Variants in CCDC57 observed in about 807,000 individuals in gnomAD.
CCDC57 encodes coiled-coil domain-containing protein 57.
Under a neutral mutation model 118.9 loss-of-function variants are expected in CCDC57, and 118 were observed. That is an observed-to-expected ratio of 0.99 (90% CI 0.86 to 1.16). The LOEUF (loss-of-function observed/expected upper bound fraction) is 1.16, where lower values mean the gene tolerates loss of function less well. Ranked by LOEUF, CCDC57 falls within the 50% of genes most tolerant of loss-of-function variation. The pLI, the probability that CCDC57 is intolerant of heterozygous loss-of-function variation, is 0.00. For synonymous variants in CCDC57, 527 were observed against 532.9 expected (o/e 0.99, Z 0.15); for missense variants, 1,300 against 1,320.7 (o/e 0.98, Z 0.24).
chr17:82,166,877 C>T (rs953112823), intron 13 of CCDC57, among the ~76,000 whole-genome samples: 4 of 152,120 alleles, frequency 2.6e-5, no homozygotes, highest in African/African-American at 9.6e-5. Context: ...GACCATACTA[C>T]CACACTCCAG....
chr17:82,141,094 T>C (rs2145571573), intron 16 of CCDC57, among the ~76,000 whole-genome samples: 1 of 152,066 alleles, frequency 6.6e-6, no homozygotes, highest in South Asian at 2.1e-4. Context: ...CACTGCAACC[T>C]CCGCCTCCCA....
intron 19 of CCDC57, among the ~76,000 whole-genome samples, chr17:82,103,785 C>T (rs963254810): frequency 3.3e-5 from 5 of 151,794 alleles, no homozygotes; most frequent in South Asian, 2.1e-4. Context: ...GGCTGTATCC[C>T]GGGGCGAAGC....
chr17:82,158,926 C>T (rs1415346548), intron 14 of CCDC57, among the ~76,000 whole-genome samples: 1 of 151,944 alleles, frequency 6.6e-6, no homozygotes. Flanking sequence ...GATCGTGGCT[C>T]GCCGCAGCCT....
At chr17:82,178,367 A>G in intron 11 of CCDC57, 107 bp downstream of exon 10, 3 of 1,328,904 alleles carry the variant, frequency 2.3e-6, no homozygotes, top group Non-Finnish European at 3.0e-6. Flanking sequence ...TAAAAAGAAC[A>G]CAACTGAAAG....
At chr17:82,165,864 C>T (rs1047787372) in intron 13 of CCDC57, among the ~76,000 whole-genome samples, 1 of 152,148 alleles carries the variant, frequency 6.6e-6, no homozygotes, top group African/African-American at 2.4e-5. Context: ...ACATTCAAAC[C>T]TCAGCCCACC....
At chr17:82,169,432 A>G (rs1020563128) in intron 13 of CCDC57, among the ~76,000 whole-genome samples, 2 of 150,770 alleles carry the variant, frequency 1.3e-5, no homozygotes, top group Non-Finnish European at 3.0e-5. Flanking sequence ...CCCGGCAAAA[A>G]CCTCCCCTAT....
chr17:82,148,870 G>C (rs1416133864), intron 16 of CCDC57, among the ~76,000 whole-genome samples: 1 of 98,462 alleles, frequency 1.0e-5, no homozygotes, highest in Non-Finnish European at 2.0e-5. Context: ...TGGATGGGTG[G>C]GTGGGATAAG....
At chr17:82,158,685 T>C (rs35215891) in intron 14 of CCDC57, among the ~76,000 whole-genome samples, 63,507 of 139,980 alleles carry the variant, frequency 0.45, 14,985 homozygotes, top group East Asian at 0.87. Context: ...GAGACTCCAT[T>C]TCAAAAAAAA....
intron 19 of CCDC57, chr17:82,127,085 G>A (rs568474757): frequency 1.0e-6 from 1 of 985,452 alleles, no homozygotes; most frequent in South Asian, 4.7e-5. Flanking sequence ...AAAACTTCCT[G>A]AGACCAGTAG....
rs1383447617 is a variant in CCDC57 at position 82,101,867 on chromosome 17, C to G, written c.2900-1G>C. 19 of 1,569,080 alleles carry G rather than the reference C, an allele frequency of 1.2e-5. No homozygotes were observed. Among genetic ancestry groups the G allele is most frequent in the East Asian group, 2.3e-5 (1 of 43,876 alleles). On this transcript the variant is annotated splice_acceptor_variant, in intron 19 of 19. Transcript: ENST00000665763. LOFTEE classifies it high-confidence loss of function. ...TCGGCTGCTGGAGGAGCTGGGAGCT[C>G]TGTCAGGTAAAGAGGAAAAAACAGC...
intron 16 of CCDC57, among the ~76,000 whole-genome samples, chr17:82,139,191 G>A (rs996268380): frequency 6.6e-6 from 1 of 152,160 alleles, no homozygotes; most frequent in Non-Finnish European, 1.5e-5. Context: ...GATTAACTTT[G>A]TCTAGAACTC....
chr17:82,120,783 T>C (rs939483875), intron 19 of CCDC57, among the ~76,000 whole-genome samples: 1 of 151,348 alleles, frequency 6.6e-6, no homozygotes, highest in African/African-American at 2.4e-5. Context: ...TGAGATGGAG[T>C]CTCACTCTGT....
chr17:82,114,998 G>A (rs961014129), intron 19 of CCDC57, among the ~76,000 whole-genome samples: 1 of 152,238 alleles, frequency 6.6e-6, no homozygotes, highest in African/African-American at 2.4e-5. Flanking sequence ...CCCGCCCGCA[G>A]GGACACCACT....
chr17:82,183,467 G>A (rs1358301091), intron 9 of CCDC57, among the ~76,000 whole-genome samples: 1 of 152,080 alleles, frequency 6.6e-6, no homozygotes, highest in Non-Finnish European at 1.5e-5. Flanking sequence ...TTATAGGTGT[G>A]AGCCACCACG....
At chr17:82,171,594 C>G (rs975012279) in intron 13 of CCDC57, 107 bp downstream of exon 12, 2 of 1,247,406 alleles carry the variant, frequency 1.6e-6, no homozygotes, top group Admixed American at 2.4e-5. Flanking sequence ...GCCGCCCCAA[C>G]GTCTGCAGTA....
intron 16 of CCDC57, among the ~76,000 whole-genome samples, chr17:82,149,885 G>A (rs147325923): frequency 0.017 from 2,287 of 137,438 alleles, 60 homozygotes; most frequent in African/African-American, 0.059. Flanking sequence ...AGAACCTGGC[G>A]CACACCCAGA....
chr17:82,102,059 C>G (rs1479105968), intron 19 of CCDC57, among the ~76,000 whole-genome samples, 193 bp from the exon 19 acceptor site: 1 of 152,224 alleles, frequency 6.6e-6, no homozygotes, highest in Non-Finnish European at 1.5e-5. Context: ...GCTGTGGCCT[C>G]GCCTTGCTCA....
At chr17:82,160,142 T>C (rs2043143430) in intron 14 of CCDC57, 1 of 152,226 alleles carries the variant, frequency 6.6e-6, no homozygotes, top group Admixed American at 6.5e-5. Flanking sequence ...AAGGCGTGGT[T>C]TATGTATTTA....
intron 8 of CCDC57, 98 bp downstream of exon 7, chr17:82,188,120 TG>T: frequency 2.0e-6 from 2 of 992,758 alleles, no homozygotes; most frequent in Non-Finnish European, 1.4e-6. Flanking sequence ...GTCTGCTGCC[TG>T]GCCCCCTTTC....
Sources: allele counts gnomAD v4.1 joint callset (sites outside exome capture counted in the v4.1 genomes callset), GRCh38; gene constraint gnomAD v4.1.1; transcripts MANE v1.5; gene names NCBI Gene and HGNC (gene_info 2026-07-23, HGNC 2026-07-21).